Variants in CUL9 observed in about 807,000 individuals in gnomAD.
The protein encoded by CUL9 is cullin 9.
Under a neutral mutation model 272.6 loss-of-function variants are expected in CUL9, and 79 were observed. The ratio of observed to expected loss-of-function variants is 0.29; its 90% confidence interval spans 0.24 to 0.35. The LOEUF is 0.35. CUL9 is among the 10% of genes least tolerant of loss of function. CUL9 has a pLI of 1.00. For synonymous variants in CUL9, 1,186 were observed against 1,286.5 expected (o/e 0.92, Z 1.67); for missense variants, 2,532 against 3,255.6 (o/e 0.78, Z 5.41).
rs1403667970 is a variant in CUL9 at position 43,184,302 on chromosome 6, G to A, written c.-9G>A. On this transcript the variant is annotated splice_region_variant and 5_prime_UTR_variant, in exon 2 of 41. Coordinates refer to ENST00000252050, the MANE Select transcript of CUL9 (RefSeq NM_015089.4). The surrounding 1 kb of genome is among the most constrained non-coding windows in gnomAD (Gnocchi z 4.8). The stretch of plus-strand genomic sequence containing the variant: ...TTATCTTTCTCCTTGTGTATCCCAG[G>A]AGGTCAGGATGGTGGGGGAACGGCA... 2.7e-6 allele frequency: 4 copies of A among 1,472,778 alleles called. No individual in the cohort carries two copies. The highest frequency in any genetic ancestry group is 3.6e-6 in the Non-Finnish European group (4 of 1,107,506). 91.2% of individuals were successfully genotyped at this position (1,472,778 alleles called of 1,614,324 possible).
In CUL9 at chr6:43,198,861, G is replaced by C; in HGVS notation, c.3050+6G>C. ...CTGCTGCTGTCTGTGCTGAGGTGAG[G>C]GGCCTGTTGAGGCACCATGCATTGG... On this transcript the variant is annotated splice_donor_region_variant and intron_variant, in intron 12 of 40. Transcript: ENST00000252050. The C allele has an allele frequency of 6.2e-7, 1 of 1,611,594 alleles. No homozygotes were observed.
rs1416718821 is a variant in CUL9, at chr6:43,223,045, T to TA, written c.7150+152dup. On this transcript the variant is annotated intron_variant, in intron 38 of 40. Transcript: ENST00000252050. This position sits in a 1 kb window ranked among gnomAD's most constrained non-coding sequence, Gnocchi z 4.1. ...CATGGCCTTCTCACTGCCTGGCTGT[T>TA]AAAGCTCAGGTCGAAAGCCTACATT... The TA allele has an allele frequency of 4.4e-6, 4 of 904,560 alleles. No homozygotes were observed. The highest frequency in any genetic ancestry group is 5.1e-6 in the Non-Finnish European group (3 of 591,192). 56.0% of individuals were successfully genotyped at this position (904,560 alleles called of 1,614,324 possible).
rs182452792 is a variant in CUL9 at position 43,220,151 on chromosome 6, G to T, written c.6283-308G>T. 6.6e-6 allele frequency among the ~76,000 whole-genome samples: 1 copy of T among 152,162 alleles called. No individual in the cohort carries two copies. The highest frequency in any genetic ancestry group is 1.5e-5 in the Non-Finnish European group (1 of 68,024). On this transcript the variant is annotated intron_variant, in intron 31 of 40. Transcript: ENST00000252050. This position sits in a 1 kb window ranked among gnomAD's most constrained non-coding sequence, Gnocchi z 4.9. ...CTTCCTGCTCTCTGCATATCTTTCTGAGAATTTGAATCGTTCTCCTTTTTC... is the reference window on the plus strand; with the variant it reads ...CTTCCTGCTCTCTGCATATCTTTCTTAGAATTTGAATCGTTCTCCTTTTTC...
chr6:43,203,542 G>C lies in CUL9; in HGVS notation c.3975G>C (p.Trp1325Cys), dbSNP rs1412144645. ...TCTACACAATTCGGGCACAAGCCTG[G>C]AGCCGGGACATAGCAGAGGACCACC... ...CLFYTIRAQA[W>C]SRDIAEDHRR... The change falls in exon 19 of 41, where the codon TGG becomes TGC. Residue 1325 changes from tryptophan to cysteine, a missense_variant. By Grantham distance (215) the Trp-to-Cys change is radical. Transcript: ENST00000252050. This position sits in a 1 kb window ranked among gnomAD's most constrained non-coding sequence, Gnocchi z 5.0. 1.2e-5 allele frequency: 20 copies of C among 1,613,948 alleles called. No homozygotes were observed. In the East Asian group the frequency reaches 4.5e-4, roughly 36 times the overall value.
Position 43,221,373 on chromosome 6 carries a change from C to T in CUL9, c.6752+52C>T, listed in dbSNP as rs1482787807. 3.2e-6 allele frequency: 5 copies of T among 1,544,340 alleles called. No homozygotes were observed. Among genetic ancestry groups the T allele is most frequent in the African/African-American group, 1.4e-5 (1 of 72,114 alleles). Reference sequence around the variant, plus strand: ...CAGAGGGCAAGGAGGGGGGAGGAGGCCTGGCAGAAGGAGGGGGGAACGGGC... The same window carrying T: ...CAGAGGGCAAGGAGGGGGGAGGAGGTCTGGCAGAAGGAGGGGGGAACGGGC... On this transcript the variant is annotated intron_variant, in intron 34 of 40. Coordinates refer to ENST00000252050, the MANE Select transcript of CUL9 (RefSeq NM_015089.4). This position sits in a 1 kb window ranked among gnomAD's most constrained non-coding sequence, Gnocchi z 4.2.
intron 11 of CUL9, among the ~76,000 whole-genome samples, 188 bp downstream of exon 11, chr6:43,197,050 A>G (rs1171972728): frequency 6.8e-6 from 1 of 146,714 alleles, no homozygotes; most frequent in African/African-American, 2.5e-5. Flanking sequence ...AGGAAATTGC[A>G]TTTTTTTTTT....
In CUL9 at chr6:43,212,813, G is replaced by T. The variant is rs58851730; in HGVS notation, c.5213-336G>T. Reference sequence around the variant, plus strand: ...TCACCTTGCCTGAGCTGTGAAACAGGAGGAGGAAGAGATCCAGCCCAGTGG... The same window carrying T: ...TCACCTTGCCTGAGCTGTGAAACAGTAGGAGGAAGAGATCCAGCCCAGTGG... On this transcript the variant is annotated intron_variant, in intron 26 of 40. Transcript: ENST00000252050. 628 of 239,202 alleles carry T rather than the reference G, an allele frequency of 2.6e-3. 4 individuals carry two copies. Among genetic ancestry groups the T allele is most frequent in the African/African-American group, 0.013 (562 of 44,044 alleles). The allele number at this position is 239,202 out of a possible 1,614,324, so 14.8% of individuals were successfully genotyped here.
chr6:43,221,778 G>A lies in CUL9; in HGVS notation c.6846G>A (p.Met2282Ile), dbSNP rs1327359149. 1 of 1,611,160 alleles carries A rather than the reference G, an allele frequency of 6.2e-7. No individual in the cohort carries two copies. Among genetic ancestry groups the A allele is most frequent in the Non-Finnish European group, 8.5e-7 (1 of 1,179,816 alleles). Reference sequence around the variant, plus strand: ...AAGACTATTACAACTGCTCTGCCATGGTAAGGCGCTGGGCACTAGGGGAGG... The same window carrying A: ...AAGACTATTACAACTGCTCTGCCATAGTAAGGCGCTGGGCACTAGGGGAGG... ...NHKDYYNCSA[M>I]VSKAARQEKR... Residue 2282 changes from methionine to isoleucine, a missense_variant and splice_region_variant, in exon 35 of 41, where the codon ATG (methionine) becomes ATA (isoleucine). Physicochemically the swap from Met to Ile is conservative, Grantham distance 10 (BLOSUM62 1). Coordinates refer to ENST00000252050, the MANE Select transcript of CUL9 (RefSeq NM_015089.4). This position sits in a 1 kb window ranked among gnomAD's most constrained non-coding sequence, Gnocchi z 4.2.
chr6:43,215,920 C>T (rs1775895598), intron 30 of CUL9, among the ~76,000 whole-genome samples: 1 of 152,194 alleles, frequency 6.6e-6, no homozygotes, highest in African/African-American at 2.4e-5. Context: ...CTCTTAGCAC[C>T]CTGACCCCTA....
At chr6:43,189,844 T>G (rs2150530895) in intron 8 of CUL9, among the ~76,000 whole-genome samples, 1 of 152,302 alleles carries the variant, frequency 6.6e-6, no homozygotes, top group East Asian at 1.9e-4. Flanking sequence ...GCATTCTCAT[T>G]TTAAAAGATC....
chr6:43,191,484 T>A (rs1275535312), intron 8 of CUL9, among the ~76,000 whole-genome samples: 2 of 121,804 alleles, frequency 1.6e-5, no homozygotes, highest in Non-Finnish European at 3.3e-5. Flanking sequence ...CCAGCTAATT[T>A]TTTTTTTTTT....
chr6:43,219,190 AAGAGAG>A (rs141684867), intron 31 of CUL9, among the ~76,000 whole-genome samples: 5 of 150,016 alleles, frequency 3.3e-5, no homozygotes, highest in Admixed American at 6.6e-5. Flanking sequence ...CTTTGTTTAA[AAGAGAG>A]AGAGAGAGAG....
rs1282822731 is a variant in CUL9 at position 43,196,740 on chromosome 6, G to C, written c.2681G>C (p.Arg894Thr). 16 of 1,614,086 alleles carry C rather than the reference G, an allele frequency of 9.9e-6. No individual in the cohort carries two copies. The highest frequency in any genetic ancestry group is 2.7e-5 in the African/African-American group (2 of 74,918). ...GACCAGATTATAACCCAAGAGCTGA[G>C]AGACACGTTGTTTAGGCACTCAGGG... ...LGDQIITQEL[R>T]DTLFRHSGIA... The change falls in exon 11 of 41, where the codon AGA becomes ACA. Residue 894 changes from arginine to threonine, a missense_variant. Transcript: ENST00000252050.
Position 43,196,030 on chromosome 6 carries a change from C to G in CUL9, c.2389-39C>G, listed in dbSNP as rs150558425. The stretch of plus-strand genomic sequence containing the variant: ...AGGCCTACCTTTCCTCATGGTGACT[C>G]TGCCCCCTCCTCACTCTGCTTTCAC... On this transcript the variant is annotated intron_variant, in intron 9 of 40. Transcript: ENST00000252050. 1.9e-4 allele frequency: 294 copies of G among 1,568,294 alleles called. 1 individual carries two copies. In the Middle Eastern group the frequency reaches 2.6e-3, roughly 14 times the overall value.
intron 7 of CUL9, 61 bp downstream of exon 7, chr6:43,188,179 A>G: frequency 6.3e-7 from 1 of 1,586,200 alleles, no homozygotes; most frequent in East Asian, 2.2e-5. Context: ...AGTAGAAGAA[A>G]TGGATAGTCA....
intron 4 of CUL9, 63 bp from the exon 5 acceptor site, chr6:43,186,897 A>AGGCTT: frequency 6.3e-7 from 1 of 1,577,248 alleles, no homozygotes; most frequent in East Asian, 2.2e-5. Flanking sequence ...AAGCCTTCAC[A>AGGCTT]GGCCAAGGCT....
chr6:43,217,894 C>T (rs1012957911), intron 31 of CUL9, among the ~76,000 whole-genome samples: 7 of 152,198 alleles, frequency 4.6e-5, no homozygotes, highest in Admixed American at 3.3e-4. Context: ...CTGAGCCAGG[C>T]ATTGTGCTGT....
Position 43,221,848 on chromosome 6 carries a change from T to G in CUL9, c.6846+70T>G. 3.7e-6 allele frequency: 5 copies of G among 1,367,440 alleles called. No homozygotes were observed. The South Asian group carries it at 6.0e-5, about 16-fold the overall frequency. 84.7% of individuals were successfully genotyped at this position (1,367,440 alleles called of 1,614,324 possible). A position where few individuals can be genotyped will look rare whatever the true frequency, so the allele number is the denominator to read the frequency against. On this transcript the variant is annotated intron_variant, in intron 35 of 40. Coordinates refer to ENST00000252050, the MANE Select transcript of CUL9 (RefSeq NM_015089.4). The surrounding 1 kb of genome is among the most constrained non-coding windows in gnomAD (Gnocchi z 4.2). Reference sequence around the variant, plus strand: ...GGGGAGGGGTGCTGCTACCAGGTCCTGGGCAGACAGGGCTCCTTGTGCAGT... The same window carrying G: ...GGGGAGGGGTGCTGCTACCAGGTCCGGGGCAGACAGGGCTCCTTGTGCAGT...
In CUL9 at chr6:43,199,459, CT is replaced by C; in HGVS notation, c.3156+91del. 4 of 999,602 alleles carry C rather than the reference CT, an allele frequency of 4.0e-6. No individual in the cohort carries two copies. The highest frequency in any genetic ancestry group is 6.3e-6 in the Non-Finnish European group (4 of 632,786). 61.9% of individuals were successfully genotyped at this position (999,602 alleles called of 1,614,324 possible). On this transcript the variant is annotated intron_variant, in intron 13 of 40. Coordinates refer to ENST00000252050, the MANE Select transcript of CUL9 (RefSeq NM_015089.4). The surrounding 1 kb of genome is among the most constrained non-coding windows in gnomAD (Gnocchi z 4.4). ...GAGGCTCTGGAGGGCACAGCAGAGC[CT>C]TTCTGAATGGATCTTGGGGCACTGG...
Sources: allele counts gnomAD v4.1 joint callset (sites outside exome capture counted in the v4.1 genomes callset), GRCh38; gene constraint gnomAD v4.1.1; non-coding constraint Gnocchi (gnomAD v3.1); transcripts MANE v1.5; gene names NCBI Gene and HGNC (gene_info 2026-07-23, HGNC 2026-07-21).